The following ANKRD36C variants were observed in gnomAD, a reference collection of about 807,000 sequenced individuals.
ANKRD36C encodes ankyrin repeat domain-containing protein 36C.
Under a neutral mutation model 276.4 loss-of-function variants are expected in ANKRD36C, and 61 were observed. That is an observed-to-expected ratio of 0.22 (90% CI 0.18 to 0.27). The LOEUF (loss-of-function observed/expected upper bound fraction) is 0.27, where lower values mean the gene tolerates loss of function less well. Among genes scored for constraint, ANKRD36C ranks in the 10% least tolerant of loss-of-function variants. The pLI, the probability that ANKRD36C is intolerant of heterozygous loss-of-function variation, is 1.00. For missense variants in ANKRD36C, 1,447 were observed against 2,032.3 expected (o/e 0.71, Z 5.54); for synonymous variants, 483 against 680.1 (o/e 0.71, Z 4.51).
chr2:95,908,643 C>T (rs780910930), intron 42 of ANKRD36C, 26 bp downstream of exon 47: 8 of 1,564,738 alleles, frequency 5.1e-6, no homozygotes, highest in East Asian at 2.4e-5. Flanking sequence ...TTTACTAGTT[C>T]ACAACATAAA....
intron 6 of ANKRD36C, among the ~76,000 whole-genome samples, chr2:95,975,613 T>C (rs1036131324): frequency 2.6e-5 from 4 of 152,168 alleles, no homozygotes; most frequent in Admixed American, 2.0e-4. Context: ...TTACATCTTA[T>C]ACAAAAATTA....
At chr2:95,871,252 A>C (rs1675804571) in intron 59 of ANKRD36C, among the ~76,000 whole-genome samples, 5 of 152,366 alleles carry the variant, frequency 3.3e-5, no homozygotes, top group Middle Eastern at 3.4e-3. Flanking sequence ...AAAAATGTTA[A>C]GGGCAGCCAG....
At chr2:95,980,274 A>T (rs545545211) in intron 5 of ANKRD36C, among the ~76,000 whole-genome samples, 1 of 152,264 alleles carries the variant, frequency 6.6e-6, no homozygotes, top group Non-Finnish European at 1.5e-5. Flanking sequence ...AGTGCACAGC[A>T]CAAGGTTTTT....
chr2:95,973,331 G>A (rs886564284), intron 6 of ANKRD36C, among the ~76,000 whole-genome samples: 4 of 151,358 alleles, frequency 2.6e-5, no homozygotes, highest in African/African-American at 9.7e-5. Context: ...AGAAGCGCTT[G>A]AACCCAGGAG....
chr2:95,969,568 A>G (rs1678658576), intron 6 of ANKRD36C, among the ~76,000 whole-genome samples: 2 of 152,198 alleles, frequency 1.3e-5, no homozygotes, highest in South Asian at 2.1e-4. Context: ...TCTACTCACT[A>G]GTCATTGACA....
chr2:95,972,287 T>C (rs1678715790), intron 6 of ANKRD36C, among the ~76,000 whole-genome samples: 1 of 152,186 alleles, frequency 6.6e-6, no homozygotes, highest in Non-Finnish European at 1.5e-5. Flanking sequence ...GGAATTTTTG[T>C]ATATGTGTGA....
intron 14 of ANKRD36C, among the ~76,000 whole-genome samples, chr2:95,952,303 G>A (rs1322632703): frequency 1.3e-5 from 2 of 152,218 alleles, no homozygotes; most frequent in African/African-American, 4.8e-5. Flanking sequence ...ATGTAACAAA[G>A]AGTTTCATTT....
At chr2:95,942,244 G>A (rs1202105507) in intron 19 of ANKRD36C, among the ~76,000 whole-genome samples, 4 of 145,276 alleles carry the variant, frequency 2.8e-5, no homozygotes, top group Non-Finnish European at 6.2e-5. Context: ...AACCTATGAA[G>A]AACCCTGAAG....
intron 6 of ANKRD36C, among the ~76,000 whole-genome samples, chr2:95,967,174 A>C: frequency 6.6e-6 from 1 of 152,212 alleles, no homozygotes; most frequent in East Asian, 1.9e-4. Flanking sequence ...TACCCTGGCC[A>C]GAACTTCCAA....
At chr2:95,893,551 C>T in intron 44 of ANKRD36C, 2 of 1,550,720 alleles carry the variant, frequency 1.3e-6, no homozygotes, top group African/African-American at 2.7e-5. Context: ...GATTTTTCTC[C>T]ATCCTTTTTT....
At chr2:95,953,274 C>T (rs2438939) in intron 14 of ANKRD36C, among the ~76,000 whole-genome samples, 25 of 152,014 alleles carry the variant, frequency 1.6e-4, no homozygotes, top group Admixed American at 5.2e-4. Flanking sequence ...TGTTATATTG[C>T]CAAGCTTGGT....
At chr2:95,888,824 A>G in intron 48 of ANKRD36C, among the ~76,000 whole-genome samples, 1 of 151,668 alleles carries the variant, frequency 6.6e-6, no homozygotes, top group East Asian at 1.9e-4. Flanking sequence ...TCAATTACCA[A>G]TGTTGACATA....
intron 46 of ANKRD36C, 67 bp from the exon 67 acceptor site, chr2:95,890,061 C>T: frequency 6.4e-7 from 1 of 1,552,778 alleles, no homozygotes; most frequent in Non-Finnish European, 8.8e-7. Flanking sequence ...TACATTCATA[C>T]AGTGTTAGCA....
exon 46 of ANKRD36C, chr2:95,891,670 C>A: frequency 6.4e-7 from 1 of 1,558,854 alleles, no homozygotes; most frequent in Non-Finnish European, 8.7e-7. Context: ...ATTACCTCTC[C>A]TAGTTTTTTC....
chr2:95,883,580 G>C (rs1164417515), intron 54 of ANKRD36C, among the ~76,000 whole-genome samples: 3 of 151,916 alleles, frequency 2.0e-5, no homozygotes. Context: ...GCTTCCATTG[G>C]TTCCTAAAGC....
chr2:95,891,768 T>G, intron 45 of ANKRD36C, 31 bp from the exon 66 acceptor site: 1 of 1,563,408 alleles, frequency 6.4e-7, no homozygotes, highest in Non-Finnish European at 8.7e-7. Flanking sequence ...AATAATAAAT[T>G]AATAAAGTAT....
At chr2:95,976,924 C>A (rs906098582) in intron 6 of ANKRD36C, among the ~76,000 whole-genome samples, 1 of 152,014 alleles carries the variant, frequency 6.6e-6, no homozygotes, top group Non-Finnish European at 1.5e-5. Flanking sequence ...TGCTCATTCT[C>A]CTTCACCAAC....
At chr2:95,908,318 C>G (rs932119602) in intron 42 of ANKRD36C, among the ~76,000 whole-genome samples, 184 bp downstream of exon 48, 1 of 150,864 alleles carries the variant, frequency 6.6e-6, no homozygotes, top group Non-Finnish European at 1.5e-5. Context: ...TATAATCTTA[C>G]GGCGAAGATC....
intron 22 of ANKRD36C, among the ~76,000 whole-genome samples, chr2:95,936,440 C>G (rs984244408): frequency 5.3e-5 from 8 of 152,260 alleles, no homozygotes; most frequent in African/African-American, 9.6e-5. Context: ...CAGTGCATCA[C>G]ATTTTGCTAA....
Sources: allele counts gnomAD v4.1 joint callset (sites outside exome capture counted in the v4.1 genomes callset), GRCh38; gene constraint gnomAD v4.1.1; transcripts MANE v1.5; gene names NCBI Gene and HGNC (gene_info 2026-07-23, HGNC 2026-07-21).